The following FAM227B variants were observed in gnomAD, a reference collection of about 807,000 sequenced individuals.
FAM227B encodes family with sequence similarity 227 member B.
FAM227B carries 88 observed loss-of-function variants against 73.8 expected under a neutral mutation model. That is an observed-to-expected ratio of 1.19 (90% CI 1.00 to 1.42). FAM227B has a LOEUF of 1.42. Ranked by LOEUF, FAM227B falls within the 40% of genes most tolerant of loss-of-function variation. The pLI is 0.00. For synonymous variants in FAM227B, 210 were observed against 190.5 expected (o/e 1.10, Z -0.84); for missense variants, 632 against 590.9 (o/e 1.07, Z -0.72).
At chr15:49,544,088 G>C (rs756774182) in intron 9 of FAM227B, among the ~76,000 whole-genome samples, 11 of 152,258 alleles carry the variant, frequency 7.2e-5, no homozygotes, top group Non-Finnish European at 1.5e-4. Flanking sequence ...TTGGCAGTAT[G>C]ATCATTTTCA....
intron 11 of FAM227B, among the ~76,000 whole-genome samples, chr15:49,378,650 A>AT (rs1378809014): frequency 6.6e-6 from 1 of 151,818 alleles, no homozygotes; most frequent in Non-Finnish European, 1.5e-5. Context: ...TTGTTTGTTG[A>AT]TTTTGTATCC....
At chr15:49,573,591 C>G (rs1440178732) in intron 8 of FAM227B, among the ~76,000 whole-genome samples, 2 of 151,972 alleles carry the variant, frequency 1.3e-5, no homozygotes, top group South Asian at 2.1e-4. Flanking sequence ...CTTGCTTGTT[C>G]CCTCTCTCAC....
chr15:49,413,635 A>C (rs950907899), intron 11 of FAM227B, among the ~76,000 whole-genome samples: 2 of 151,994 alleles, frequency 1.3e-5, no homozygotes, highest in African/African-American at 4.8e-5. Flanking sequence ...CATTCTCCAA[A>C]AAGTTTTCAG....
intron 3 of FAM227B, among the ~76,000 whole-genome samples, chr15:49,606,446 T>G (rs1000767700): frequency 6.6e-6 from 1 of 152,224 alleles, no homozygotes; most frequent in Non-Finnish European, 1.5e-5. Context: ...AATCCTTTTA[T>G]GTAACCAATC....
chr15:49,411,926 T>G (rs535077228), intron 11 of FAM227B, among the ~76,000 whole-genome samples: 15 of 152,220 alleles, frequency 9.9e-5, no homozygotes, highest in Middle Eastern at 3.4e-3. Flanking sequence ...CAAACATCTT[T>G]CAGTACTTTT....
At chr15:49,607,346 G>C (rs1358452911) in intron 3 of FAM227B, among the ~76,000 whole-genome samples, 1 of 152,136 alleles carries the variant, frequency 6.6e-6, no homozygotes, top group Non-Finnish European at 1.5e-5. Flanking sequence ...ACTTGGGAAA[G>C]TTTTCCAGCA....
intron 11 of FAM227B, among the ~76,000 whole-genome samples, chr15:49,384,442 G>T (rs1050476988): frequency 6.6e-6 from 1 of 151,996 alleles, no homozygotes; most frequent in African/African-American, 2.4e-5. Context: ...TGGGGATGGG[G>T]TGGGGACGAG....
intron 11 of FAM227B, among the ~76,000 whole-genome samples, chr15:49,386,882 C>T (rs1349345289): frequency 6.6e-6 from 1 of 151,650 alleles, no homozygotes; most frequent in Non-Finnish European, 1.5e-5. Context: ...TTTATGTGCA[C>T]AAACTAGAAA....
chr15:49,381,007 G>T (rs79781918), intron 11 of FAM227B, among the ~76,000 whole-genome samples: 1 of 152,176 alleles, frequency 6.6e-6, no homozygotes, highest in Admixed American at 6.5e-5. Flanking sequence ...TTACAATCGT[G>T]GTAAAAGGCA....
At chr15:49,354,263 C>G (rs992801320) in intron 13 of FAM227B, among the ~76,000 whole-genome samples, 1 of 152,202 alleles carries the variant, frequency 6.6e-6, no homozygotes, top group African/African-American at 2.4e-5. Context: ...CGAATAGGAA[C>G]AGCTCCGGTC....
In FAM227B at chr15:49,347,434, T is replaced by C. The variant is rs1329048759; in HGVS notation, c.1272-11938A>G. Among the ~76,000 whole-genome samples the C allele has an allele frequency of 2.0e-5, 3 of 152,212 alleles. No individual in the cohort carries two copies. In the East Asian group the frequency reaches 5.8e-4, roughly 29 times the overall value. ...TTCTCCTTTCTACTATAGCATTCTA[T>C]GTATAGGACAGATTATTGATGACCC... On this transcript the variant is annotated intron_variant, in intron 13 of 15. Transcript: ENST00000299338.
intron 10 of FAM227B, among the ~76,000 whole-genome samples, chr15:49,509,462 T>C (rs1158591897): frequency 6.6e-6 from 1 of 152,172 alleles, no homozygotes; most frequent in Non-Finnish European, 1.5e-5. Flanking sequence ...AACTATGTGC[T>C]TGACACAAGG....
chr15:49,584,896 G>A (rs1041158322), intron 5 of FAM227B, among the ~76,000 whole-genome samples: 1 of 152,026 alleles, frequency 6.6e-6, no homozygotes, highest in South Asian at 2.1e-4. Flanking sequence ...CCATCAGAGT[G>A]AACAGGCAAC....
chr15:49,527,523 C>T (rs369755327), intron 10 of FAM227B, among the ~76,000 whole-genome samples: 9 of 151,782 alleles, frequency 5.9e-5, no homozygotes, highest in South Asian at 4.1e-4. Flanking sequence ...CTCAGGCAAG[C>T]GAGAAATAAT....
chr15:49,384,723 A>ATATAATCTT lies in FAM227B; in HGVS notation c.1013-13325_1013-13324insAAGATTATA, dbSNP rs538346679. ...CCTTATAAACTGTTCTGCTGTGACT[A>ATATAATCTT]GTAATAGTTAAGATTATAGATCCAA... On this transcript the variant is annotated intron_variant, in intron 11 of 15. Transcript: ENST00000299338. Among the ~76,000 whole-genome samples the ATATAATCTT allele has an allele frequency of 5.6e-3, 857 of 152,092 alleles. 6 individuals carry two copies. Among genetic ancestry groups the ATATAATCTT allele is most frequent in the African/African-American group, 0.02 (817 of 41,520 alleles).
intron 15 of FAM227B, chr15:49,329,277 G>T: frequency 1.0e-6 from 1 of 985,404 alleles, no homozygotes; most frequent in Non-Finnish European, 1.2e-6. Context: ...GCTGGTGATG[G>T]CAAATGACTG....
At chr15:49,616,887 T>C (rs910923198) in intron 1 of FAM227B, among the ~76,000 whole-genome samples, 1 of 152,366 alleles carries the variant, frequency 6.6e-6, no homozygotes, top group South Asian at 2.1e-4. Flanking sequence ...TCATTTTTCA[T>C]TTCTGAAATT....
chr15:49,344,981 G>A (rs867027244), intron 13 of FAM227B, among the ~76,000 whole-genome samples: 29 of 152,076 alleles, frequency 1.9e-4, no homozygotes, highest in African/African-American at 6.5e-4. Context: ...AAGTATAAAT[G>A]GTGTTGAGCT....
chr15:49,424,226 C>A, intron 11 of FAM227B: 1 of 1,364,072 alleles, frequency 7.3e-7, no homozygotes, highest in Non-Finnish European at 1.0e-6. Flanking sequence ...AGGTCAATGA[C>A]CTAGGAGTAA....
Sources: gnomAD v4.1 joint callset for allele counts (sites outside exome capture counted in the v4.1 genomes callset) on GRCh38, gnomAD v4.1.1 for gene constraint, MANE v1.5 for transcripts, NCBI Gene and HGNC (gene_info 2026-07-23, HGNC 2026-07-21) for gene names.